Variants in KLHL13 observed in about 807,000 individuals in gnomAD.
KLHL13 encodes kelch like family member 13, also known as kelch-like protein 13.
Under a neutral mutation model 37.1 loss-of-function variants are expected in KLHL13, and 10 were observed. That is an observed-to-expected ratio of 0.27 (90% confidence interval 0.17 to 0.46). The LOEUF is 0.46. Among genes scored for constraint, KLHL13 ranks in the 20% least tolerant of loss-of-function variants. The pLI is 1.00. For missense variants in KLHL13, 360 were observed against 509.3 expected (o/e 0.71, Z 2.82); for synonymous variants, 163 against 181.2 (o/e 0.90, Z 0.81).
chrX:117,945,893 C>A (rs984881811), intron 1 of KLHL13: 3 of 151,349 alleles, frequency 2.0e-5, no homozygotes, highest in African/African-American at 9.2e-5. Context: ...GCAATGCCAT[C>A]AAATTATGCT....
At chrX:118,093,935 T>C (rs1022753777) in intron 1 of KLHL13, among the ~76,000 whole-genome samples, 1 of 108,717 alleles carries the variant, frequency 9.2e-6, no homozygotes, top group Non-Finnish European at 1.9e-5. Flanking sequence ...AGTCTACAGC[T>C]CCCAACGTGA....
intron 1 of KLHL13, among the ~76,000 whole-genome samples, chrX:118,062,913 A>G (rs2054756540): frequency 9.0e-6 from 1 of 111,562 alleles, no homozygotes; most frequent in Admixed American, 9.6e-5. Flanking sequence ...TCCTCTGACT[A>G]AACAGCAAAC....
chrX:118,015,972 C>CA (rs1185895479), intron 1 of KLHL13, among the ~76,000 whole-genome samples: 1 of 110,986 alleles, frequency 9.0e-6, no homozygotes, highest in African/African-American at 3.3e-5. Flanking sequence ...TTTTAATCTT[C>CA]AAAAAACACA....
At chrX:118,026,287 T>C (rs1252482704) in intron 1 of KLHL13, among the ~76,000 whole-genome samples, 1 of 111,932 alleles carries the variant, frequency 8.9e-6, no homozygotes, top group Non-Finnish European at 1.9e-5. Flanking sequence ...ATTTGAATAA[T>C]ATGAGGGATC....
chrX:117,910,549 G>C (rs1431048562), intron 4 of KLHL13, among the ~76,000 whole-genome samples: 1 of 110,141 alleles, frequency 9.1e-6, no homozygotes, highest in African/African-American at 3.3e-5. Flanking sequence ...TCCATGAACA[G>C]AAAAGCTCTA....
intron 1 of KLHL13, among the ~76,000 whole-genome samples, chrX:118,010,742 TA>T (rs201439037): frequency 2.9e-3 from 290 of 101,565 alleles, no homozygotes; most frequent in African/African-American, 9.0e-3. Flanking sequence ...AAATATAATT[TA>T]AAAAAAAAAA....
intron 1 of KLHL13, among the ~76,000 whole-genome samples, chrX:118,089,620 GAGAA>G (rs3046168): frequency 0.11 from 7,685 of 71,851 alleles, 386 homozygotes; most frequent in Non-Finnish European, 0.13. Flanking sequence ...GAGAAAGAAA[GAGAA>G]AGAAAGAAAG....
chrX:118,097,166 A>T (rs1327783419), intron 1 of KLHL13, among the ~76,000 whole-genome samples: 1 of 111,643 alleles, frequency 9.0e-6, no homozygotes, highest in African/African-American at 3.3e-5. Flanking sequence ...ACATGATTAT[A>T]TATCTAGAAA....
chrX:118,079,788 C>A (rs773577759), intron 1 of KLHL13, among the ~76,000 whole-genome samples: 20 of 111,432 alleles, frequency 1.8e-4, no homozygotes, highest in South Asian at 3.7e-4. Flanking sequence ...TTAGAAAAAA[C>A]TATTCTAAAA....
intron 1 of KLHL13, among the ~76,000 whole-genome samples, chrX:118,089,588 A>AAGAAAAG (rs767385082): frequency 1.2e-5 from 1 of 80,148 alleles, no homozygotes; most frequent in Non-Finnish European, 2.4e-5. Context: ...AAGAAAAGAA[A>AAGAAAAG]AGAGAGAGAG....
intron 1 of KLHL13, among the ~76,000 whole-genome samples, chrX:118,028,869 A>G (rs2054303306): frequency 9.0e-6 from 1 of 111,572 alleles, no homozygotes. Flanking sequence ...AACAATTCAC[A>G]TGTTTTTAAA....
At chrX:118,102,156 A>C (rs1174167706) in intron 1 of KLHL13, among the ~76,000 whole-genome samples, 1 of 111,533 alleles carries the variant, frequency 9.0e-6, no homozygotes, top group East Asian at 2.8e-4. Context: ...GAGAAGTCTT[A>C]ATTTTTACCA....
intron 1 of KLHL13, among the ~76,000 whole-genome samples, chrX:117,991,329 G>C (rs2053787942): frequency 9.1e-6 from 1 of 110,015 alleles, no homozygotes; most frequent in Admixed American, 9.6e-5. Flanking sequence ...GCCAAGGAGA[G>C]AGATACTAAC....
chrX:118,012,429 T>G (rs1438244375), intron 1 of KLHL13, among the ~76,000 whole-genome samples: 1 of 110,437 alleles, frequency 9.1e-6, no homozygotes, highest in African/African-American at 3.3e-5. Flanking sequence ...ATTCTTGGCT[T>G]GTGGCACCTT....
chrX:118,001,367 A>G (rs2053919002), intron 1 of KLHL13, among the ~76,000 whole-genome samples: 1 of 112,280 alleles, frequency 8.9e-6, no homozygotes, highest in Non-Finnish European at 1.9e-5. Context: ...AAAAGAGCCA[A>G]TGTGATATCC....
chrX:117,955,453 T>C (rs758840757), intron 1 of KLHL13, among the ~76,000 whole-genome samples: 1 of 112,061 alleles, frequency 8.9e-6, no homozygotes, highest in Non-Finnish European at 1.9e-5. Context: ...TCAAAGCCCG[T>C]AATAAATTTA....
chrX:117,909,773 C>T (rs377195610), exon 5 of KLHL13: 30 of 1,209,788 alleles, frequency 2.5e-5, no homozygotes, highest in Non-Finnish European at 3.1e-5. Flanking sequence ...TGAAATCCAC[C>T]GTTTGCACGT....
chrX:117,925,009 G>T (rs148881461), intron 2 of KLHL13, among the ~76,000 whole-genome samples: 6,390 of 110,568 alleles, frequency 0.058, 448 homozygotes, highest in African/African-American at 0.2. Context: ...ATAGAGAGAG[G>T]TACATATCTA....
chrX:118,009,646 T>G (rs1230309606), intron 1 of KLHL13, among the ~76,000 whole-genome samples: 9 of 32,091 alleles, frequency 2.8e-4, no homozygotes, highest in Admixed American at 4.2e-4. Context: ...CTGTTTTGGT[T>G]ACTGTAGCCT....
Sources: gnomAD v4.1 joint callset for allele counts (sites outside exome capture counted in the v4.1 genomes callset) on GRCh38, gnomAD v4.1.1 for gene constraint, MANE v1.5 for transcripts, NCBI Gene and HGNC (gene_info 2026-07-23, HGNC 2026-07-21) for gene names.